FNDC3B: variants seen among roughly 807,000 people sequenced by gnomAD.
FNDC3B encodes the protein fibronectin type III domain-containing protein 3B.
In FNDC3B, 12 loss-of-function variants were observed where a neutral mutation model predicts 151.5. That is an observed-to-expected ratio of 0.08 (90% confidence interval 0.05 to 0.13). FNDC3B has a LOEUF of 0.13. Ranked by LOEUF, FNDC3B falls within the 10% of genes least tolerant of loss-of-function variation. The pLI is 1.00. For missense variants in FNDC3B, 1,214 were observed against 1,505.3 expected (o/e 0.81, Z 3.20); for synonymous variants, 528 against 549.0 (o/e 0.96, Z 0.54).
At chr3:172,116,768 GT>G (rs1410896838) in intron 2 of FNDC3B, among the ~76,000 whole-genome samples, 1 of 152,070 alleles carries the variant, frequency 6.6e-6, no homozygotes, top group African/African-American at 2.4e-5. Context: ...ATTTCACCAT[GT>G]TGGCCAGGAT....
chr3:172,073,498 T>G (rs1369300401), intron 1 of FNDC3B, among the ~76,000 whole-genome samples: 1 of 152,202 alleles, frequency 6.6e-6, no homozygotes, highest in Non-Finnish European at 1.5e-5. Flanking sequence ...GACTTTGACT[T>G]TCTTCAGTTG....
intron 6 of FNDC3B, among the ~76,000 whole-genome samples, chr3:172,274,565 A>G (rs1484544853): frequency 3.3e-5 from 5 of 152,176 alleles, no homozygotes; most frequent in African/African-American, 1.2e-4. Context: ...GGGTATAATA[A>G]TATCTAATAT....
chr3:172,391,494 C>T (rs767694806), intron 25 of FNDC3B, among the ~76,000 whole-genome samples: 8 of 152,166 alleles, frequency 5.3e-5, no homozygotes, highest in African/African-American at 1.7e-4. Flanking sequence ...TTAATGCTTC[C>T]GAGTGCCAAG....
intron 9 of FNDC3B, 142 bp from the exon 10 acceptor site, chr3:172,307,221 C>T: frequency 1.2e-6 from 1 of 834,240 alleles, no homozygotes; most frequent in Non-Finnish European, 1.9e-6. Flanking sequence ...CAGGACAAGA[C>T]CAACAGATAA....
chr3:172,060,662 A>G (rs910429006), intron 1 of FNDC3B, among the ~76,000 whole-genome samples: 4 of 152,158 alleles, frequency 2.6e-5, no homozygotes, highest in African/African-American at 9.7e-5. Context: ...CTAAAATCTA[A>G]ATTCCTTGAA....
intron 1 of FNDC3B, among the ~76,000 whole-genome samples, chr3:172,066,953 CT>C (rs1381601932): frequency 6.6e-6 from 1 of 152,174 alleles, no homozygotes; most frequent in Non-Finnish European, 1.5e-5. Flanking sequence ...ACAATACTCT[CT>C]TTTTGAGACA....
chr3:172,385,445 G>A (rs961282431), intron 25 of FNDC3B, among the ~76,000 whole-genome samples: 1 of 152,036 alleles, frequency 6.6e-6, no homozygotes, highest in Non-Finnish European at 1.5e-5. Flanking sequence ...CATGAAAGAC[G>A]CAGCTTCAAA....
In FNDC3B at chr3:172,307,516, G is replaced by A. The variant is rs779263909; in HGVS notation, c.1200+15G>A. Reference sequence around the variant, plus strand: ...TGCAGTGGAAGGTGGGTAGCTCAAAGCATCAAGAATCGTCTCAATTTAAAA... The same window carrying A: ...TGCAGTGGAAGGTGGGTAGCTCAAAACATCAAGAATCGTCTCAATTTAAAA... On this transcript the variant is annotated intron_variant, in intron 10 of 25. Transcript: ENST00000415807. 3.1e-6 allele frequency: 5 copies of A among 1,613,860 alleles called. No homozygotes were observed. Among genetic ancestry groups the A allele is most frequent in the South Asian group, 2.2e-5 (2 of 91,064 alleles).
chr3:172,397,186 C>T lies in FNDC3B; in HGVS notation c.3326C>T (p.Thr1109Ile). 1 of 1,611,288 alleles carries T rather than the reference C, an allele frequency of 6.2e-7. No homozygotes were observed. The highest frequency in any genetic ancestry group is 8.5e-7 in the Non-Finnish European group (1 of 1,178,102). ...YKQVYKGEEATFQISGLQTNT... is the reference protein window; with the variant it reads ...YKQVYKGEEAIFQISGLQTNT... ...AAGGTGTACAAGGGAGAAGAAGCCA[C>T]ATTCCAAATCTCAGGCCTCCAGACC... The change falls in exon 26 of 26, where the codon ACA (threonine) becomes ATA (isoleucine). Residue 1109 changes from threonine to isoleucine, a missense_variant. Around this residue, in one of 7 missense-constraint regions of FNDC3B, gnomAD observed 284 missense variants for 392.4 expected, o/e 0.72. Coordinates refer to ENST00000415807, the MANE Select transcript of FNDC3B (RefSeq NM_022763.4).
chr3:172,080,286 T>TA (rs918230551), intron 1 of FNDC3B, among the ~76,000 whole-genome samples: 14 of 152,106 alleles, frequency 9.2e-5, no homozygotes, highest in Admixed American at 9.2e-4. Flanking sequence ...TCTTTTTTTT[T>TA]AAGAGACAGA....
chr3:172,246,618 C>T (rs563741002), intron 4 of FNDC3B, among the ~76,000 whole-genome samples: 37 of 152,170 alleles, frequency 2.4e-4, no homozygotes, highest in Admixed American at 1.8e-3. Context: ...TGGGCACGGT[C>T]GTGCATGCCT....
At position 172,072,920 on chromosome 3, in the gene FNDC3B, G is replaced by T. The variant is rs144796852; in HGVS notation, c.-29+33149G>T. Among the ~76,000 whole-genome samples the T allele has an allele frequency of 9.2e-5, 14 of 152,226 alleles. No individual in the cohort carries two copies. The East Asian group carries it at 2.7e-3, about 29-fold the overall frequency. Reference sequence around the variant, plus strand: ...GTGCTTTCATCTAAGCCTTTATGTGGCACTTAAGTCTAATTATTTTAATTT... The same window carrying T: ...GTGCTTTCATCTAAGCCTTTATGTGTCACTTAAGTCTAATTATTTTAATTT... On this transcript the variant is annotated intron_variant, in intron 1 of 25. Coordinates refer to ENST00000415807, the MANE Select transcript of FNDC3B (RefSeq NM_022763.4).
intron 6 of FNDC3B, among the ~76,000 whole-genome samples, chr3:172,260,433 A>T (rs1230774747): frequency 6.6e-6 from 1 of 152,234 alleles, no homozygotes; most frequent in East Asian, 1.9e-4. Context: ...TCTTTCTTGT[A>T]TGTAGAAAAT....
intron 2 of FNDC3B, among the ~76,000 whole-genome samples, chr3:172,127,483 T>G (rs774280987): frequency 6.6e-6 from 1 of 152,164 alleles, no homozygotes; most frequent in South Asian, 2.1e-4. Context: ...GTTTCCCCAC[T>G]TGTAAAATCT....
At chr3:172,192,577 C>G (rs1215860955) in intron 3 of FNDC3B, among the ~76,000 whole-genome samples, 1 of 152,004 alleles carries the variant, frequency 6.6e-6, no homozygotes, top group East Asian at 1.9e-4. Context: ...TAGAGAAGTT[C>G]TTGATTATAG....
rs565744000 is a variant in FNDC3B at position 172,196,374 on chromosome 3, TG to T, written c.188-30492del. Among the ~76,000 whole-genome samples the T allele has an allele frequency of 9.0e-4, 137 of 151,632 alleles. 3 individuals are homozygous for T. In the South Asian group the frequency reaches 0.027, roughly 30 times the overall value. On this transcript the variant is annotated intron_variant, in intron 3 of 25. Transcript: ENST00000415807. ...CAGCTAATTTTTTTTTTTGTAGGGA[TG>T]GGGGTCTTGCTCTGTTGCCTAGGCT...
chr3:172,298,655 G>A (rs1730756930), intron 8 of FNDC3B, 73 bp from the exon 9 acceptor site: 2 of 947,424 alleles, frequency 2.1e-6, no homozygotes, highest in Non-Finnish European at 3.3e-6. Context: ...GTACATTACT[G>A]GACACCCAAA....
At chr3:172,251,650 C>A in intron 6 of FNDC3B, 109 bp downstream of exon 6, 2 of 1,072,408 alleles carry the variant, frequency 1.9e-6, no homozygotes, top group South Asian at 1.8e-5. Flanking sequence ...GTTGGTTGTT[C>A]TGCTAAGAAT....
chr3:172,089,127 A>T (rs567782668), intron 1 of FNDC3B, among the ~76,000 whole-genome samples: 1 of 152,228 alleles, frequency 6.6e-6, no homozygotes, highest in Non-Finnish European at 1.5e-5. Flanking sequence ...AGCAACTAAT[A>T]CCCATAGGAC....
Sources: gnomAD v4.1 joint callset for allele counts (sites outside exome capture counted in the v4.1 genomes callset) on GRCh38, gnomAD v4.1.1 for gene constraint, gnomAD v4.1.1 regional missense constraint, MANE v1.5 for transcripts, NCBI Gene and HGNC (gene_info 2026-07-23, HGNC 2026-07-21) for gene names.